KCNJ6: variants seen among roughly 807,000 people sequenced by gnomAD.
The protein encoded by KCNJ6 is potassium inwardly rectifying channel subfamily J member 6, also known as G protein-activated inward rectifier potassium channel 2.
In KCNJ6, 9 loss-of-function variants were observed where a neutral mutation model predicts 34.2. The observed-to-expected ratio is 0.26, with a 90% CI of 0.16 to 0.46. The LOEUF (loss-of-function observed/expected upper bound fraction) is 0.46. KCNJ6 is among the 20% of genes least tolerant of loss of function. The probability of loss-of-function intolerance (pLI) is 1.00; values close to 1 mark genes in which losing one functional copy is unlikely to be tolerated. For missense variants in KCNJ6, 236 were observed against 531.3 expected, an observed-to-expected ratio of 0.44 and a Z score of 5.46; for synonymous variants, 196 against 207.1, an observed-to-expected ratio of 0.95 and a Z score of 0.46.
intron 3 of KCNJ6, among the ~76,000 whole-genome samples, chr21:37,628,089 A>G (rs548988963): frequency 2.1e-4 from 32 of 152,318 alleles, no homozygotes; most frequent in Non-Finnish European, 4.6e-4. Context: ...TTACTACATT[A>G]TATTACTTAA....
At chr21:37,825,549 TCTTA>T (rs1029348879) in intron 2 of KCNJ6, among the ~76,000 whole-genome samples, 17 of 152,316 alleles carry the variant, frequency 1.1e-4, no homozygotes, top group South Asian at 2.1e-4. Context: ...CTTACTATTT[TCTTA>T]CTTAAAGTGT....
At chr21:37,637,980 C>A in intron 3 of KCNJ6, among the ~76,000 whole-genome samples, 1 of 152,162 alleles carries the variant, frequency 6.6e-6, no homozygotes, top group East Asian at 1.9e-4. Context: ...CCTGTTAAAG[C>A]CACTGAGTCT....
At chr21:37,854,899 T>C (rs1344730951) in intron 1 of KCNJ6, among the ~76,000 whole-genome samples, 1 of 152,128 alleles carries the variant, frequency 6.6e-6, no homozygotes, top group Non-Finnish European at 1.5e-5. Context: ...GGGAAATAAA[T>C]CCACGAATAT....
chr21:37,680,261 C>T (rs776930987), intron 3 of KCNJ6, among the ~76,000 whole-genome samples: 14 of 152,226 alleles, frequency 9.2e-5, no homozygotes, highest in Non-Finnish European at 1.2e-4. Flanking sequence ...GGAAGAAAGC[C>T]CTCTCGAGAC....
At chr21:37,735,704 C>A (rs901814610) in intron 2 of KCNJ6, among the ~76,000 whole-genome samples, 3 of 152,160 alleles carry the variant, frequency 2.0e-5, no homozygotes, top group African/African-American at 7.2e-5. Flanking sequence ...AAACCCACAG[C>A]TGGAGGCAGA....
chr21:37,794,520 G>A (rs1462924333), intron 2 of KCNJ6, among the ~76,000 whole-genome samples: 3 of 152,160 alleles, frequency 2.0e-5, no homozygotes, highest in Non-Finnish European at 2.9e-5. Context: ...GTTCTTTATC[G>A]TTACACATGA....
chr21:37,807,093 A>G (rs1568855714), intron 2 of KCNJ6, among the ~76,000 whole-genome samples: 1 of 152,220 alleles, frequency 6.6e-6, no homozygotes, highest in East Asian at 1.9e-4. Flanking sequence ...GGAAATTGCT[A>G]TGAAGATTGG....
intron 3 of KCNJ6, among the ~76,000 whole-genome samples, chr21:37,677,770 G>A (rs2054571429): frequency 2.7e-4 from 2 of 7,340 alleles, no homozygotes; most frequent in South Asian, 0.017. Flanking sequence ...CAAACCATTT[G>A]TCCATCCATC....
At chr21:37,715,903 A>G (rs980663531) in intron 2 of KCNJ6, among the ~76,000 whole-genome samples, 1 of 152,200 alleles carries the variant, frequency 6.6e-6, no homozygotes, top group Non-Finnish European at 1.5e-5. Flanking sequence ...TAAGCCACCC[A>G]TTCTGTGATA....
intron 3 of KCNJ6, among the ~76,000 whole-genome samples, chr21:37,665,750 AG>A (rs113207445): frequency 1 from 152,351 of 152,366 alleles, 76,168 homozygotes; most frequent in Middle Eastern, 1. Flanking sequence ...CAATTTTTGT[AG>A]CCGAGCGTTG....
At chr21:37,890,759 T>C (rs1297305504) in intron 1 of KCNJ6, among the ~76,000 whole-genome samples, 4 of 152,114 alleles carry the variant, frequency 2.6e-5, no homozygotes, top group African/African-American at 9.7e-5. Context: ...CCCACAGACA[T>C]GGGGAGTGCA....
chr21:37,876,302 G>T (rs945777604), intron 1 of KCNJ6, among the ~76,000 whole-genome samples: 1 of 152,092 alleles, frequency 6.6e-6, no homozygotes, highest in Non-Finnish European at 1.5e-5. Flanking sequence ...GCTAACTGAC[G>T]GTTTCAGGGG....
chr21:37,826,647 G>A (rs1453759793), intron 2 of KCNJ6, among the ~76,000 whole-genome samples: 3 of 151,796 alleles, frequency 2.0e-5, no homozygotes, highest in African/African-American at 4.8e-5. Context: ...GAGAATGCAA[G>A]GAAGAATCGT....
At chr21:37,682,049 C>G (rs144588572) in intron 3 of KCNJ6, among the ~76,000 whole-genome samples, 1 of 152,200 alleles carries the variant, frequency 6.6e-6, no homozygotes, top group Non-Finnish European at 1.5e-5. Flanking sequence ...TTTCATTCCA[C>G]AAATGTTATT....
chr21:37,810,218 C>A (rs140732245), intron 2 of KCNJ6, among the ~76,000 whole-genome samples: 2 of 152,254 alleles, frequency 1.3e-5, no homozygotes, highest in African/African-American at 4.8e-5. Flanking sequence ...TGGTGCAAAT[C>A]TTTCCATATA....
intron 1 of KCNJ6, among the ~76,000 whole-genome samples, chr21:37,860,606 C>T (rs909107272): frequency 6.6e-6 from 1 of 152,186 alleles, no homozygotes; most frequent in African/African-American, 2.4e-5. Flanking sequence ...CTCCCTCCAC[C>T]CTCATTTCCC....
chr21:37,876,691 G>T (rs1263733852), intron 1 of KCNJ6, among the ~76,000 whole-genome samples: 1 of 151,876 alleles, frequency 6.6e-6, no homozygotes, highest in African/African-American at 2.4e-5. Flanking sequence ...TAGGTTGAGA[G>T]TTGAACAAAC....
At chr21:37,762,849 G>T (rs572006824) in intron 2 of KCNJ6, among the ~76,000 whole-genome samples, 1 of 152,314 alleles carries the variant, frequency 6.6e-6, no homozygotes, top group South Asian at 2.1e-4. Flanking sequence ...CTGGAAGTAG[G>T]GCCTGGCATG....
chr21:37,738,767 G>T (rs936990645), intron 2 of KCNJ6, among the ~76,000 whole-genome samples: 1 of 152,088 alleles, frequency 6.6e-6, no homozygotes, highest in Non-Finnish European at 1.5e-5. Flanking sequence ...GTTTTTAATG[G>T]GCCCTGCATT....
Sources: gnomAD v4.1 joint callset for allele counts (sites outside exome capture counted in the v4.1 genomes callset) on GRCh38, gnomAD v4.1.1 for gene constraint, MANE v1.5 for transcripts, NCBI Gene and HGNC (gene_info 2026-07-23, HGNC 2026-07-21) for gene names.